PTPRB: variants seen among roughly 807,000 people sequenced by gnomAD.
The protein encoded by PTPRB is protein tyrosine phosphatase receptor type B.
PTPRB carries 97 observed loss-of-function variants against 238.1 expected under a neutral mutation model. The observed-to-expected ratio is 0.41, with a 90% confidence interval of 0.35 to 0.48. The LOEUF is 0.48. Ranked by LOEUF, PTPRB falls within the 20% of genes least tolerant of loss-of-function variation. PTPRB has a pLI of 0.30. For missense variants in PTPRB, 2,292 were observed against 2,681.9 expected (o/e 0.85, Z 3.21); for synonymous variants, 970 against 995.4 (o/e 0.97, Z 0.48).
intron 11 of PTPRB, among the ~76,000 whole-genome samples, chr12:70,572,907 T>G (rs1043889013): frequency 2.0e-5 from 3 of 151,836 alleles, no homozygotes; most frequent in Non-Finnish European, 4.4e-5. Context: ...AAAACCACAG[T>G]GAAATACTGT....
At chr12:70,544,531 G>A in intron 22 of PTPRB, 26 bp downstream of exon 22, 1 of 1,491,938 alleles carries the variant, frequency 6.7e-7, no homozygotes, top group Non-Finnish European at 9.3e-7. Context: ...GCAGTTGGTA[G>A]AACATGATGT....
intron 3 of PTPRB, among the ~76,000 whole-genome samples, chr12:70,619,765 G>C (rs1884845676): frequency 6.6e-6 from 1 of 152,224 alleles, no homozygotes; most frequent in South Asian, 2.1e-4. Flanking sequence ...TGGACACATA[G>C]AGATTTTATT....
intron 1 of PTPRB, 127 bp downstream of exon 1, chr12:70,637,214 A>G (rs1885744771): frequency 2.6e-6 from 2 of 772,714 alleles, no homozygotes; most frequent in Non-Finnish European, 4.1e-6. Flanking sequence ...CCTGCTTTTC[A>G]TCGTCTTTGG....
intron 6 of PTPRB, 132 bp from the exon 7 acceptor site, chr12:70,592,677 C>T: frequency 1.1e-6 from 1 of 904,356 alleles, no homozygotes; most frequent in Non-Finnish European, 1.7e-6. Flanking sequence ...CTTCAAGAGG[C>T]AAATATTATC....
intron 3 of PTPRB, chr12:70,609,865 C>A: frequency 1.3e-6 from 2 of 1,538,722 alleles, no homozygotes; most frequent in Admixed American, 4.0e-5. Flanking sequence ...GGACGTGGGA[C>A]GGCCCGAGGG....
intron 19 of PTPRB, 29 bp downstream of exon 19, chr12:70,555,841 G>A: frequency 6.2e-7 from 1 of 1,607,372 alleles, no homozygotes; most frequent in South Asian, 1.1e-5. Context: ...GTGACAGGAG[G>A]CTCTGTGCGC....
Position 70,596,343 on chromosome 12 carries a change from A to T in PTPRB, c.980-16T>A. 1.6e-6 allele frequency: 2 copies of T among 1,259,636 alleles called. No individual in the cohort carries two copies. The highest frequency in any genetic ancestry group is 2.0e-6 in the Non-Finnish European group (2 of 999,974). 78.0% of individuals were successfully genotyped at this position (1,259,636 alleles called of 1,614,324 possible). A position where few individuals can be genotyped will look rare whatever the true frequency, so the allele number is the denominator to read the frequency against. On this transcript the variant is annotated splice_polypyrimidine_tract_variant and intron_variant, in intron 4 of 33. Coordinates refer to ENST00000334414, the MANE Select transcript of PTPRB (RefSeq NM_001109754.4). Reference sequence around the variant, plus strand: ...GGTAAAGGATCTGCAAGGCAAATACACACACACACACAAAAAAAAAAAAGA... The same window carrying T: ...GGTAAAGGATCTGCAAGGCAAATACTCACACACACACAAAAAAAAAAAAGA...
In PTPRB at chr12:70,561,956, T is replaced by C. The variant is rs370486561; in HGVS notation, c.4168+888A>G. ...TGGCACAGAAGAGCACCTAAAACTA[T>C]TGTCAAATGAGAAAAAAGAATTGAA... On this transcript the variant is annotated intron_variant, in intron 16 of 33. Transcript: ENST00000334414. 2.0e-3 allele frequency among the ~76,000 whole-genome samples: 308 copies of C among 152,258 alleles called. 2 individuals are homozygous for C. The highest frequency in any genetic ancestry group is 7.0e-3 in the African/African-American group (290 of 41,552).
In PTPRB at chr12:70,622,371, A is replaced by C; in HGVS notation, c.708+19T>G. 1.9e-6 allele frequency: 3 copies of C among 1,610,314 alleles called. No individual in the cohort carries two copies. The highest frequency in any genetic ancestry group is 2.5e-6 in the Non-Finnish European group (3 of 1,178,526). ...CTGAGACGTGCACAGACCACACTCC[A>C]CACACCCCCTCCTTTTACCTCTTCA... On this transcript the variant is annotated intron_variant, in intron 3 of 33. Coordinates refer to ENST00000334414, the MANE Select transcript of PTPRB (RefSeq NM_001109754.4).
intron 8 of PTPRB, among the ~76,000 whole-genome samples, chr12:70,587,704 T>C (rs1413703328): frequency 1.3e-5 from 2 of 152,322 alleles, no homozygotes; most frequent in African/African-American, 4.8e-5. Flanking sequence ...GATGTGTTCA[T>C]GGAAGGGCGA....
Position 70,622,538 on chromosome 12 carries a change from T to C in PTPRB, c.560A>G (p.Asn187Ser). 6.2e-7 allele frequency: 1 copy of C among 1,611,148 alleles called. No homozygotes were observed. Among genetic ancestry groups the C allele is most frequent in the Non-Finnish European group, 8.5e-7 (1 of 1,178,416 alleles). Residue 187 changes from asparagine (N) to serine (S), a missense_variant, in exon 3 of 34, where the codon AAT becomes AGT. Around this residue, in one of 4 missense-constraint regions of PTPRB, gnomAD observed 1,205 missense variants for 1,287.8 expected, o/e 0.94. Transcript: ENST00000334414. The stretch of plus-strand genomic sequence containing the variant: ...ATTTCTGATGAAGGCCTCTGTGGTA[T>C]TCCTAATAAGGAATACCAGGCCATC... ...VPDGLVFLIR[N>S]TTEAFIRNAA...
At chr12:70,607,611 A>G (rs1303823674) in intron 4 of PTPRB, among the ~76,000 whole-genome samples, 1 of 150,812 alleles carries the variant, frequency 6.6e-6, no homozygotes, top group Non-Finnish European at 1.5e-5. Context: ...CAGTGGCACA[A>G]TCTGGCTTCT....
At chr12:70,625,479 T>C (rs1351064358) in intron 2 of PTPRB, among the ~76,000 whole-genome samples, 1 of 152,102 alleles carries the variant, frequency 6.6e-6, no homozygotes, top group Non-Finnish European at 1.5e-5. Flanking sequence ...TCATTTCTTA[T>C]GTGGTTACTG....
At chr12:70,631,760 G>C (rs1885464015) in intron 2 of PTPRB, among the ~76,000 whole-genome samples, 1 of 152,102 alleles carries the variant, frequency 6.6e-6, no homozygotes, top group Non-Finnish European at 1.5e-5. Flanking sequence ...CCATCAAAAA[G>C]TGGGCAAAGG....
chr12:70,634,360 T>C (rs1366818879), intron 2 of PTPRB, among the ~76,000 whole-genome samples: 4 of 152,214 alleles, frequency 2.6e-5, no homozygotes, highest in African/African-American at 7.2e-5. Flanking sequence ...TCAAGTATTA[T>C]GCACAAATCC....
At chr12:70,568,275 A>G (rs1879564440) in intron 14 of PTPRB, among the ~76,000 whole-genome samples, 1 of 152,108 alleles carries the variant, frequency 6.6e-6, no homozygotes, top group Non-Finnish European at 1.5e-5. Flanking sequence ...TCTTGAGGTC[A>G]GGGGCTTTGC....
intron 19 of PTPRB, 113 bp from the exon 20 acceptor site, chr12:70,555,422 G>T: frequency 9.9e-7 from 1 of 1,006,172 alleles, no homozygotes. Flanking sequence ...CTGTGTGTGT[G>T]TGAGCGTGTG....
chr12:70,601,957 AGT>A (rs1883542696), intron 4 of PTPRB, among the ~76,000 whole-genome samples: 2 of 150,350 alleles, frequency 1.3e-5, no homozygotes, highest in South Asian at 2.1e-4. Flanking sequence ...CGCCCGGCTA[AGT>A]TTTTTTTTTG....
chr12:70,578,908 G>A (rs1881072914), intron 10 of PTPRB, among the ~76,000 whole-genome samples: 1 of 152,148 alleles, frequency 6.6e-6, no homozygotes, highest in Admixed American at 6.5e-5. Context: ...GTGGAATGTG[G>A]GTGGAAGTGA....
Sources: allele counts gnomAD v4.1 joint callset (sites outside exome capture counted in the v4.1 genomes callset), GRCh38; gene constraint gnomAD v4.1.1; regional missense constraint gnomAD v4.1.1; transcripts MANE v1.5; gene names NCBI Gene and HGNC (gene_info 2026-07-23, HGNC 2026-07-21).